TTC7A: variants seen among roughly 807,000 people sequenced by gnomAD.
The protein encoded by TTC7A is tetratricopeptide repeat domain 7A, also known as tetratricopeptide repeat protein 7A.
TTC7A carries 110 observed loss-of-function variants against 103.7 expected under a neutral mutation model. That is an observed-to-expected ratio of 1.06 (90% CI 0.91 to 1.24). TTC7A has a LOEUF of 1.24. Among genes scored for constraint, TTC7A ranks in the 50% most tolerant of loss-of-function variants. The pLI, the probability that TTC7A is intolerant of heterozygous loss-of-function variation, is 0.00. For missense variants in TTC7A, 1,340 were observed against 1,116.3 expected (o/e 1.20, Z -2.86); for synonymous variants, 521 against 467.9 (o/e 1.11, Z -1.47).
rs1673728140 is a variant in TTC7A, at chr2:46,974,972, G to A, written c.518-1G>A. 6.2e-7 allele frequency: 1 copy of A among 1,613,350 alleles called. No homozygotes were observed. The highest frequency in any genetic ancestry group is 1.7e-5 in the Admixed American group (1 of 59,968). The stretch of plus-strand genomic sequence containing the variant: ...TCTGAGGCACCCTCTTCCTCCCGCA[G>A]GCCTCTCTCTGGAACGCCTACCCAA... On this transcript the variant is annotated splice_acceptor_variant, in intron 3 of 19. Transcript: ENST00000319190. LOFTEE classifies it high-confidence loss of function.
At chr2:46,948,981 C>T (rs1336325812) in intron 1 of TTC7A, among the ~76,000 whole-genome samples, 6 of 152,168 alleles carry the variant, frequency 3.9e-5, no homozygotes, top group Admixed American at 3.9e-4. Flanking sequence ...TGAGAGGATC[C>T]AATTCACTCA....
intron 8 of TTC7A, among the ~76,000 whole-genome samples, chr2:47,003,909 C>G (rs897603575): frequency 6.6e-6 from 1 of 152,202 alleles, no homozygotes; most frequent in Non-Finnish European, 1.5e-5. Context: ...TCGCCGGGGA[C>G]AGAACGAGGG....
chr2:47,002,630 A>G (rs914200108), intron 8 of TTC7A, among the ~76,000 whole-genome samples: 4 of 152,042 alleles, frequency 2.6e-5, no homozygotes, highest in Admixed American at 2.6e-4. Flanking sequence ...ATGCTCCCAT[A>G]GTGTCTGAGG....
intron 15 of TTC7A, among the ~76,000 whole-genome samples, chr2:47,032,196 T>C (rs1365858438): frequency 2.0e-5 from 3 of 152,198 alleles, no homozygotes; most frequent in Non-Finnish European, 4.4e-5. Context: ...CATCTGGGTC[T>C]CCAAGAACCC....
At chr2:46,940,724 CAG>C (rs1670257199), upstream of TTC7A, among the ~76,000 whole-genome samples, 1 of 152,226 alleles carries the variant, frequency 6.6e-6, no homozygotes. The surrounding 1 kb of genome is among the most constrained non-coding windows in gnomAD (Gnocchi z 4.7). Context: ...GAGGGGCGTC[CAG>C]AGAGTCGCGG....
At chr2:47,062,198 A>C (rs1683845171) in intron 19 of TTC7A, among the ~76,000 whole-genome samples, 1 of 152,208 alleles carries the variant, frequency 6.6e-6, no homozygotes, top group African/African-American at 2.4e-5. Flanking sequence ...AGTGTTGCCG[A>C]GAGAATGCAA....
chr2:46,984,641 G>A (rs1674819912), intron 5 of TTC7A, among the ~76,000 whole-genome samples: 1 of 152,206 alleles, frequency 6.6e-6, no homozygotes, highest in African/African-American at 2.4e-5. Flanking sequence ...GGACAGCCAG[G>A]AGGGAAAGAG....
rs371342040 is a variant in TTC7A at position 47,023,789 on chromosome 2, T to C, written c.1568+324T>C. Among the ~76,000 whole-genome samples the C allele has an allele frequency of 2.1e-4, 32 of 152,208 alleles. No homozygotes were observed. In the East Asian group the frequency reaches 5.4e-3, roughly 26 times the overall value. On this transcript the variant is annotated intron_variant, in intron 13 of 19. Transcript: ENST00000319190. Reference sequence around the variant, plus strand: ...AGCAGAAAAAGCACCTTGCACAGTATCCTATGTGTAACAGGGGCTCAAAAA... The same window carrying C: ...AGCAGAAAAAGCACCTTGCACAGTACCCTATGTGTAACAGGGGCTCAAAAA...
At chr2:46,939,105 G>A (rs116346547), upstream of TTC7A, among the ~76,000 whole-genome samples, 3,899 of 151,796 alleles carry the variant, frequency 0.026, 83 homozygotes, top group Non-Finnish European at 0.043. Context: ...GCAAGATCCC[G>A]TCTCTACAAA....
At chr2:47,028,672 T>G (rs1178100864) in intron 14 of TTC7A, among the ~76,000 whole-genome samples, 1 of 152,224 alleles carries the variant, frequency 6.6e-6, no homozygotes, top group Non-Finnish European at 1.5e-5. Context: ...TCATCCCATC[T>G]GTCCAGAACC....
intron 19 of TTC7A, among the ~76,000 whole-genome samples, chr2:47,073,044 AG>A (rs1258441646): frequency 6.6e-6 from 1 of 151,972 alleles, no homozygotes; most frequent in East Asian, 1.9e-4. Context: ...CAGCCAATCC[AG>A]CCCGTTCACC....
intron 4 of TTC7A, among the ~76,000 whole-genome samples, chr2:46,977,169 CTGA>C (rs1673963263): frequency 1.3e-5 from 2 of 152,162 alleles, no homozygotes; most frequent in African/African-American, 4.8e-5. Flanking sequence ...TGTCAAAGGT[CTGA>C]TGATGATGTC....
At chr2:46,926,616 GC>G (rs542477531) in intron 2 of TTC7A, among the ~76,000 whole-genome samples, 1 of 152,130 alleles carries the variant, frequency 6.6e-6, no homozygotes, top group Non-Finnish European at 1.5e-5. Flanking sequence ...GATTGGTAGA[GC>G]CCCCCCAGGT....
chr2:46,970,841 T>C (rs1673290170), intron 3 of TTC7A, among the ~76,000 whole-genome samples: 1 of 152,214 alleles, frequency 6.6e-6, no homozygotes, highest in Admixed American at 6.5e-5. Flanking sequence ...TTGGCAGTCG[T>C]TGACACCCAG....
At chr2:47,062,703 A>G (rs1338013535) in intron 19 of TTC7A, among the ~76,000 whole-genome samples, 1 of 152,244 alleles carries the variant, frequency 6.6e-6, no homozygotes, top group Non-Finnish European at 1.5e-5. Flanking sequence ...TGGAAGTAAC[A>G]GTGTACCATT....
chr2:47,070,808 C>G (rs1336121408), intron 19 of TTC7A, among the ~76,000 whole-genome samples: 1 of 152,158 alleles, frequency 6.6e-6, no homozygotes, highest in African/African-American at 2.4e-5. Flanking sequence ...GCCCAAAGCG[C>G]CCCCTTGGAG....
chr2:47,040,804 G>T (rs953263246), intron 15 of TTC7A, among the ~76,000 whole-genome samples: 1 of 152,244 alleles, frequency 6.6e-6, no homozygotes, highest in Non-Finnish European at 1.5e-5. Context: ...TGTTGTACAG[G>T]TGTGGGACCT....
intron 2 of TTC7A, among the ~76,000 whole-genome samples, chr2:46,922,112 G>A (rs892137759): frequency 1.3e-5 from 2 of 152,076 alleles, no homozygotes; most frequent in Non-Finnish European, 2.9e-5. Context: ...AGTCTGTGAA[G>A]CGTGCCCTTG....
chr2:46,983,661 C>T (rs1242678478), intron 5 of TTC7A, among the ~76,000 whole-genome samples: 1 of 152,236 alleles, frequency 6.6e-6, no homozygotes, highest in Non-Finnish European at 1.5e-5. Context: ...GGGTGGCCTG[C>T]CGCCACTTTT....
Sources: gnomAD v4.1 joint callset for allele counts (sites outside exome capture counted in the v4.1 genomes callset) on GRCh38, gnomAD v4.1.1 for gene constraint, Gnocchi (gnomAD v3.1) non-coding constraint, MANE v1.5 for transcripts, NCBI Gene and HGNC (gene_info 2026-07-23, HGNC 2026-07-21) for gene names.